HPCAL1: variants seen among roughly 807,000 people sequenced by gnomAD.
HPCAL1 encodes the protein hippocalcin like 1, also known as hippocalcin-like protein 1.
In HPCAL1, 8 loss-of-function variants were observed where a neutral mutation model predicts 17.1. The ratio of observed to expected loss-of-function variants is 0.47; its 90% confidence interval spans 0.27 to 0.84. The LOEUF is 0.84. HPCAL1 is among the 40% of genes least tolerant of loss of function. HPCAL1 has a pLI of 0.13. For synonymous variants in HPCAL1, 112 were observed against 111.4 expected (o/e 1.01, Z -0.03); for missense variants, 165 against 271.1 (o/e 0.61, Z 2.75).
chr2:10,415,978 G>A (rs566429427), intron 2 of HPCAL1, among the ~76,000 whole-genome samples: 5 of 152,192 alleles, frequency 3.3e-5, no homozygotes, highest in East Asian at 1.9e-4. Context: ...GAGCCACCAC[G>A]GGTGCTGCAG....
chr2:10,420,913 A>G (rs554716207), intron 3 of HPCAL1, among the ~76,000 whole-genome samples: 1 of 152,230 alleles, frequency 6.6e-6, no homozygotes, highest in Non-Finnish European at 1.5e-5. Context: ...GGTATGTGCC[A>G]CCGCAGCCAG....
intron 1 of HPCAL1, among the ~76,000 whole-genome samples, chr2:10,355,450 CAAAAAAAAAAAA>C (rs34600690): frequency 1.9e-3 from 61 of 32,200 alleles, no homozygotes; most frequent in African/African-American, 7.0e-3. Context: ...GACTCCGTCT[CAAAAAAAAAAAA>C]AAAAAAAAAA....
In HPCAL1 at chr2:10,344,901, C is replaced by T. The variant is rs1665317256; in HGVS notation, c.-111+41724C>T. ...TGCCTCTCTCTATGTGTCCGTTTCT[C>T]TTTCTCTCTGTGTGTCTCTCTCTCT... On this transcript the variant is annotated intron_variant, in intron 1 of 4. Coordinates refer to ENST00000307845, the MANE Select transcript of HPCAL1 (RefSeq NM_002149.4). This position sits in a 1 kb window ranked among gnomAD's most constrained non-coding sequence, Gnocchi z 4.9. Among the ~76,000 whole-genome samples, 1 of 148,508 alleles carries T rather than the reference C, an allele frequency of 6.7e-6. No homozygotes were observed. Among genetic ancestry groups the T allele is most frequent in the Admixed American group, 6.7e-5 (1 of 15,036 alleles).
chr2:10,380,417 GATTTTTCC>G (rs1667863915), intron 1 of HPCAL1, among the ~76,000 whole-genome samples: 1 of 152,160 alleles, frequency 6.6e-6, no homozygotes, highest in Non-Finnish European at 1.5e-5. Context: ...GTTGAATTGG[GATTTTTCC>G]AGCCAGACCA....
At chr2:10,346,286 C>G (rs532499421) in intron 1 of HPCAL1, among the ~76,000 whole-genome samples, 328 of 152,174 alleles carry the variant, frequency 2.2e-3, no homozygotes, top group Non-Finnish European at 3.8e-3. Flanking sequence ...GGTATTCTGT[C>G]TCGAGGCTCT....
intron 1 of HPCAL1, among the ~76,000 whole-genome samples, chr2:10,366,307 C>T (rs1398745417): frequency 6.6e-6 from 1 of 152,206 alleles, no homozygotes; most frequent in Admixed American, 6.5e-5. Context: ...GCGATCTCGT[C>T]TCACTGCAAC....
chr2:10,424,897 GC>G (rs767566756), intron 4 of HPCAL1: 5 of 317,656 alleles, frequency 1.6e-5, no homozygotes, highest in Non-Finnish European at 2.5e-5. Context: ...AGGCCTCTAG[GC>G]TGGGCTGATG....
chr2:10,312,211 AACATCCATCATCACTGTCATCAC>A (rs1305505681), intron 1 of HPCAL1, among the ~76,000 whole-genome samples: 4 of 25,574 alleles, frequency 1.6e-4, no homozygotes, highest in Non-Finnish European at 3.9e-4. Flanking sequence ...TGTCATCATC[AACATCCATCATCACTGTCATCAC>A]CATCATCATC....
chr2:10,395,660 A>G lies in HPCAL1; in HGVS notation c.-110-1175A>G, dbSNP rs1489946233. ...AACCTTGCGTTGGGAGAAAGTAATTAGGGAGTGTGCGGTAGATGCGGAAGA... is the reference window on the plus strand; with the variant it reads ...AACCTTGCGTTGGGAGAAAGTAATTGGGGAGTGTGCGGTAGATGCGGAAGA... On this transcript the variant is annotated intron_variant, in intron 1 of 4. Coordinates refer to ENST00000307845, the MANE Select transcript of HPCAL1 (RefSeq NM_002149.4). This position sits in a 1 kb window ranked among gnomAD's most constrained non-coding sequence, Gnocchi z 4.4. 6.6e-6 allele frequency among the ~76,000 whole-genome samples: 1 copy of G among 152,212 alleles called. No homozygotes were observed. Among genetic ancestry groups the G allele is most frequent in the African/African-American group, 2.4e-5 (1 of 41,458 alleles).
chr2:10,338,159 C>T (rs1015119892), intron 1 of HPCAL1, among the ~76,000 whole-genome samples: 2 of 151,788 alleles, frequency 1.3e-5, no homozygotes, highest in Non-Finnish European at 2.9e-5. Context: ...AAAATAGATT[C>T]GTGATTGCAG....
In HPCAL1 at chr2:10,365,862, G is replaced by A. The variant is rs1027519378; in HGVS notation, c.-110-30973G>A. Among the ~76,000 whole-genome samples, 4 of 152,054 alleles carry A rather than the reference G, an allele frequency of 2.6e-5. No individual in the cohort carries two copies. The highest frequency in any genetic ancestry group is 4.4e-5 in the Non-Finnish European group (3 of 68,002). On this transcript the variant is annotated intron_variant, in intron 1 of 4. Coordinates refer to ENST00000307845, the MANE Select transcript of HPCAL1 (RefSeq NM_002149.4). This position sits in a 1 kb window ranked among gnomAD's most constrained non-coding sequence, Gnocchi z 4.8. Reference sequence around the variant, plus strand: ...TGCTGCCTCTCTGTGAGCGAGCCTCGCCTGCTGGGTGCTGAGCCCACACCG... The same window carrying A: ...TGCTGCCTCTCTGTGAGCGAGCCTCACCTGCTGGGTGCTGAGCCCACACCG...
At chr2:10,334,962 G>T (rs1664628222) in intron 1 of HPCAL1, among the ~76,000 whole-genome samples, 1 of 152,248 alleles carries the variant, frequency 6.6e-6, no homozygotes, top group Admixed American at 6.5e-5. Context: ...ACAGGCGTGA[G>T]CCACTGTGCC....
At chr2:10,329,954 G>A (rs1664254885) in intron 1 of HPCAL1, among the ~76,000 whole-genome samples, 1 of 152,234 alleles carries the variant, frequency 6.6e-6, no homozygotes, top group Admixed American at 6.5e-5. Context: ...TATCGAGCAG[G>A]GTAAGTTTCC....
chr2:10,357,600 A>G (rs1002663147), intron 1 of HPCAL1, among the ~76,000 whole-genome samples: 2 of 152,148 alleles, frequency 1.3e-5, no homozygotes, highest in African/African-American at 4.8e-5. Flanking sequence ...CTGCATCTTT[A>G]TTAGATCCCT....
chr2:10,339,092 C>T (rs910784664), intron 1 of HPCAL1, among the ~76,000 whole-genome samples: 5 of 152,056 alleles, frequency 3.3e-5, no homozygotes, highest in East Asian at 3.9e-4. Context: ...CTTGTTTGCA[C>T]GAAGCTGAGG....
rs1043824563 is a variant in HPCAL1 at position 10,365,563 on chromosome 2, G to A, written c.-110-31272G>A. Among the ~76,000 whole-genome samples the A allele has an allele frequency of 2.6e-5, 4 of 152,090 alleles. No individual in the cohort carries two copies. Among genetic ancestry groups the A allele is most frequent in the African/African-American group, 9.7e-5 (4 of 41,408 alleles). ...TGTTTCTCTTCCCACCTGACCTTGG[G>A]TGGTTCCCCTTCAGCCCTGGCGTTA... On this transcript the variant is annotated intron_variant, in intron 1 of 4. Transcript: ENST00000307845. The surrounding 1 kb of genome is among the most constrained non-coding windows in gnomAD (Gnocchi z 4.8).
intron 2 of HPCAL1, among the ~76,000 whole-genome samples, chr2:10,399,247 C>T (rs866862208): frequency 5.0e-4 from 46 of 92,644 alleles, no homozygotes; most frequent in South Asian, 1.0e-3. Context: ...ACCATCACCA[C>T]CACCACCACC....
At chr2:10,410,081 G>A (rs912093183) in intron 2 of HPCAL1, among the ~76,000 whole-genome samples, 1 of 152,064 alleles carries the variant, frequency 6.6e-6, no homozygotes. Flanking sequence ...GAGCCACGGC[G>A]CCCCGGCCAG....
At position 10,401,531 on chromosome 2, in the gene HPCAL1, G is replaced by C. The variant is rs542260085; in HGVS notation, c.-25+4611G>C. Among the ~76,000 whole-genome samples the C allele has an allele frequency of 8.5e-5, 13 of 152,062 alleles. No individual in the cohort carries two copies. The East Asian group carries it at 2.5e-3, about 29-fold the overall frequency. ...GAGGGTGCACAGACAGTGCCGCGGT[G>C]GCCGAAGATCCACTATTCCAAGGCC... On this transcript the variant is annotated intron_variant, in intron 2 of 4. Coordinates refer to ENST00000307845, the MANE Select transcript of HPCAL1 (RefSeq NM_002149.4).
Sources: gnomAD v4.1 joint callset for allele counts (sites outside exome capture counted in the v4.1 genomes callset) on GRCh38, gnomAD v4.1.1 for gene constraint, Gnocchi (gnomAD v3.1) non-coding constraint, MANE v1.5 for transcripts, NCBI Gene and HGNC (gene_info 2026-07-23, HGNC 2026-07-21) for gene names.